RALGPS2: variants seen among roughly 807,000 people sequenced by gnomAD.
The protein encoded by RALGPS2 is Ral GEF with PH domain and SH3 binding motif 2.
A neutral mutation model predicts 86.8 loss-of-function variants in RALGPS2; 43 were observed. That is an observed-to-expected ratio of 0.50 (90% CI 0.39 to 0.64). The LOEUF (loss-of-function observed/expected upper bound fraction) is 0.64. Ranked by LOEUF, RALGPS2 falls within the 30% of genes least tolerant of loss-of-function variation. The pLI is 0.00. For missense variants in RALGPS2, 536 were observed against 694.6 expected (o/e 0.77, Z 2.57); for synonymous variants, 243 against 231.3 (o/e 1.05, Z -0.46).
intron 8 of RALGPS2, among the ~76,000 whole-genome samples, chr1:178,869,549 T>C (rs1274023491): frequency 2.0e-5 from 3 of 152,062 alleles, no homozygotes; most frequent in African/African-American, 7.2e-5. Flanking sequence ...TCCCATAGCA[T>C]GCAACAACAA....
intron 8 of RALGPS2, among the ~76,000 whole-genome samples, chr1:178,835,667 A>G (rs1656240971): frequency 6.6e-6 from 1 of 152,140 alleles, no homozygotes; most frequent in Non-Finnish European, 1.5e-5. Flanking sequence ...TGCTGGGATT[A>G]TAGGCATGAG....
At chr1:178,799,074 C>T (rs1654340124) in intron 4 of RALGPS2, among the ~76,000 whole-genome samples, 1 of 152,172 alleles carries the variant, frequency 6.6e-6, no homozygotes, top group South Asian at 2.1e-4. Flanking sequence ...GAGTCTTGCT[C>T]TGTCACCCAA....
At chr1:178,869,588 A>T (rs560225322) in intron 8 of RALGPS2, among the ~76,000 whole-genome samples, 2 of 152,256 alleles carry the variant, frequency 1.3e-5, no homozygotes, top group South Asian at 2.1e-4. Context: ...TTTCAGATCC[A>T]CTGTTGCTTG....
chr1:178,905,653 C>T (rs893082944), intron 18 of RALGPS2, among the ~76,000 whole-genome samples: 1 of 151,962 alleles, frequency 6.6e-6, no homozygotes, highest in Non-Finnish European at 1.5e-5. Context: ...GAATTCAGCA[C>T]AAATTGTGAA....
chr1:178,835,799 A>G (rs1268758652), intron 8 of RALGPS2, among the ~76,000 whole-genome samples: 4 of 152,212 alleles, frequency 2.6e-5, no homozygotes, highest in Admixed American at 1.3e-4. Flanking sequence ...ACAGGTCTGC[A>G]TTCTGAAGTC....
intron 1 of RALGPS2, among the ~76,000 whole-genome samples, chr1:178,754,723 T>A (rs1651863129): frequency 6.6e-6 from 1 of 152,238 alleles, no homozygotes. Flanking sequence ...TGTGGTTCAG[T>A]CAAGTTGACA....
intron 8 of RALGPS2, among the ~76,000 whole-genome samples, chr1:178,849,382 T>C (rs1178306768): frequency 6.6e-6 from 1 of 152,210 alleles, no homozygotes; most frequent in Non-Finnish European, 1.5e-5. Context: ...AATGGGCCCA[T>C]TGGCTAAGGC....
At position 178,918,313 on chromosome 1, in the gene RALGPS2, G is replaced by A. The variant is rs969427969; in HGVS notation, c.*1954G>A. 3.9e-5 allele frequency: 6 copies of A among 152,156 alleles called. No homozygotes were observed. The highest frequency in any genetic ancestry group is 1.4e-4 in the African/African-American group (6 of 41,552). 9.4% of individuals were successfully genotyped at this position (152,156 alleles called of 1,614,324 possible). A position where few individuals can be genotyped will look rare whatever the true frequency, so the allele number is the denominator to read the frequency against. ...TGCATTTTTAAAAATTTCTTAATTT[G>A]TTTATTTCTCTTCAGAAATAGCGTT... On this transcript the variant is annotated 3_prime_UTR_variant, in exon 20 of 20. Coordinates refer to ENST00000367635, the MANE Select transcript of RALGPS2 (RefSeq NM_152663.5).
At chr1:178,843,443 A>T (rs1572390300) in intron 8 of RALGPS2, among the ~76,000 whole-genome samples, 1 of 144,304 alleles carries the variant, frequency 6.9e-6, no homozygotes, top group African/African-American at 2.5e-5. Context: ...CATAGGTGGG[A>T]ACTGAACAAT....
chr1:178,851,015 A>T, intron 8 of RALGPS2: 1 of 1,023,132 alleles, frequency 9.8e-7, no homozygotes, highest in Non-Finnish European at 1.3e-6. Flanking sequence ...AATTCATTTT[A>T]AAAACTTTCT....
At chr1:178,853,816 CA>C (rs1252824253) in intron 8 of RALGPS2, 1 of 1,506,668 alleles carries the variant, frequency 6.6e-7, no homozygotes, top group Admixed American at 2.3e-5. Flanking sequence ...TTATTATCAG[CA>C]AACTTAATAT....
rs368999235 is a variant in RALGPS2, at chr1:178,889,652, T to C, written c.1203T>C (p.Asp401=). The change falls in exon 14 of 20, where the codon GAT becomes GAC. Residue 401 remains aspartate (D), a synonymous_variant. Transcript: ENST00000367635. ...LSSGISIGSS[D]GSELSEETSW... Reference sequence around the variant, plus strand: ...AACTTTTCATTTTAGGTAGCAGCGATGGTTCTGAACTAAGTGAAGAGACCT... The same window carrying C: ...AACTTTTCATTTTAGGTAGCAGCGACGGTTCTGAACTAAGTGAAGAGACCT... The C allele has an allele frequency of 3.1e-6, 5 of 1,606,620 alleles. No individual in the cohort carries two copies. The highest frequency in any genetic ancestry group is 4.3e-6 in the Non-Finnish European group (5 of 1,175,280).
intron 1 of RALGPS2, among the ~76,000 whole-genome samples, chr1:178,771,574 A>AT (rs113807229): frequency 0.13 from 19,114 of 151,254 alleles, 1,578 homozygotes; most frequent in African/African-American, 0.24. Flanking sequence ...ATAGTTACTT[A>AT]TTTTTTTTTC....
chr1:178,886,748 G>C (rs982450955), intron 13 of RALGPS2, among the ~76,000 whole-genome samples: 1 of 152,032 alleles, frequency 6.6e-6, no homozygotes, highest in African/African-American at 2.4e-5. Context: ...AGAAGGATGA[G>C]TCATCAAAGG....
chr1:178,777,515 CT>C (rs1653156814), intron 2 of RALGPS2, among the ~76,000 whole-genome samples: 1 of 151,736 alleles, frequency 6.6e-6, no homozygotes, highest in South Asian at 2.1e-4. Context: ...CTACCAATGA[CT>C]TTCTTCACAG....
rs567600901 is a variant in RALGPS2 at position 178,807,198 on chromosome 1, T to C, written c.214-847T>C. Among the ~76,000 whole-genome samples the C allele has an allele frequency of 2.6e-5, 4 of 152,250 alleles. No individual in the cohort carries two copies. The South Asian group carries it at 8.3e-4, about 32-fold the overall frequency. ...AAATACAAACAAAATTAGCCGAATG[T>C]GGTGGTACACACCTGTAGCCCCAGC... On this transcript the variant is annotated intron_variant, in intron 4 of 19. Coordinates refer to ENST00000367635, the MANE Select transcript of RALGPS2 (RefSeq NM_152663.5).
At chr1:178,762,551 A>T (rs978145934) in intron 1 of RALGPS2, among the ~76,000 whole-genome samples, 14 of 152,136 alleles carry the variant, frequency 9.2e-5, no homozygotes, top group South Asian at 4.1e-4. Flanking sequence ...AGCCGTTCTG[A>T]CTGGTATGAG....
At chr1:178,839,009 A>G (rs551439771) in intron 8 of RALGPS2, among the ~76,000 whole-genome samples, 1 of 152,368 alleles carries the variant, frequency 6.6e-6, no homozygotes, top group Non-Finnish European at 1.5e-5. Flanking sequence ...AAATGGGACT[A>G]TGTGAAAAGA....
Position 178,874,176 on chromosome 1 carries a change from G to A in RALGPS2, c.608-3322G>A, listed in dbSNP as rs183440976. 1.8e-3 allele frequency among the ~76,000 whole-genome samples: 272 copies of A among 152,310 alleles called. 2 individuals carry two copies. The highest frequency in any genetic ancestry group is 3.8e-3 in the Admixed American group (58 of 15,302). On this transcript the variant is annotated intron_variant, in intron 8 of 19. Transcript: ENST00000367635. ...GGTAATGGTTACTTCTGGACAGGAAGCAAGGAGATGAAGTAGAGAAGGAAC... is the reference window on the plus strand; with the variant it reads ...GGTAATGGTTACTTCTGGACAGGAAACAAGGAGATGAAGTAGAGAAGGAAC...
Sources: allele counts gnomAD v4.1 joint callset (sites outside exome capture counted in the v4.1 genomes callset), GRCh38; gene constraint gnomAD v4.1.1; transcripts MANE v1.5; gene names NCBI Gene and HGNC (gene_info 2026-07-23, HGNC 2026-07-21).